SLC35F4: variants seen among roughly 807,000 people sequenced by gnomAD.
SLC35F4 encodes chromosome 14 open reading frame 36.
A neutral mutation model predicts 44.2 loss-of-function variants in SLC35F4; 24 were observed. The observed-to-expected ratio is 0.54, with a 90% CI of 0.39 to 0.76. SLC35F4 has a LOEUF of 0.76. Among genes scored for constraint, SLC35F4 ranks in the 30% least tolerant of loss-of-function variants. The pLI is 0.00. For synonymous variants in SLC35F4, 238 were observed against 223.6 expected, an observed-to-expected ratio of 1.06 and a Z score of -0.57; for missense variants, 562 against 586.1, an observed-to-expected ratio of 0.96 and a Z score of 0.42.
intron 1 of SLC35F4, among the ~76,000 whole-genome samples, chr14:57,606,782 T>G (rs1276520181): frequency 6.6e-6 from 1 of 152,212 alleles, no homozygotes; most frequent in Non-Finnish European, 1.5e-5. Flanking sequence ...CAAATGGCCC[T>G]GGTGAGTTTC....
At chr14:57,698,407 C>T (rs1199174664) in intron 1 of SLC35F4, among the ~76,000 whole-genome samples, 1 of 152,034 alleles carries the variant, frequency 6.6e-6, no homozygotes, top group Non-Finnish European at 1.5e-5. Context: ...ATGCTTTTGC[C>T]CAAGTCCCCA....
intron 1 of SLC35F4, among the ~76,000 whole-genome samples, chr14:57,855,469 C>T (rs1453464040): frequency 6.6e-5 from 10 of 152,146 alleles, no homozygotes; most frequent in Non-Finnish European, 4.4e-5. Context: ...TAGAGAAATG[C>T]AAATCAAAAC....
intron 1 of SLC35F4, among the ~76,000 whole-genome samples, chr14:57,695,058 A>T (rs1442979830): frequency 6.6e-6 from 1 of 152,200 alleles, no homozygotes; most frequent in Admixed American, 6.5e-5. Context: ...ACCTAAAACC[A>T]TAAAAACCCT....
intron 1 of SLC35F4, among the ~76,000 whole-genome samples, chr14:57,823,399 A>G (rs1883388695): frequency 2.0e-5 from 3 of 152,114 alleles, no homozygotes; most frequent in Non-Finnish European, 4.4e-5. Flanking sequence ...TTTACTTGTC[A>G]TTGTCTGTAC....
chr14:57,868,691 T>G (rs947342131), upstream of SLC35F4, among the ~76,000 whole-genome samples: 2 of 152,154 alleles, frequency 1.3e-5, no homozygotes, highest in African/African-American at 4.8e-5. Context: ...TTGGCCAGAC[T>G]GGTCTCGAAC....
chr14:57,899,831 C>T (rs556302280), intron 1 of SLC35F4, among the ~76,000 whole-genome samples: 6 of 152,082 alleles, frequency 3.9e-5, no homozygotes, highest in Admixed American at 1.3e-4. Flanking sequence ...TGGACCTTTG[C>T]GGTGAGTGTT....
At chr14:57,797,313 T>C (rs957203504) in intron 1 of SLC35F4, among the ~76,000 whole-genome samples, 1 of 152,200 alleles carries the variant, frequency 6.6e-6, no homozygotes, top group Non-Finnish European at 1.5e-5. Context: ...ATTCTGTTTT[T>C]AGCATTTCCA....
chr14:57,718,749 A>G (rs2076006888), intron 1 of SLC35F4, among the ~76,000 whole-genome samples: 1 of 152,032 alleles, frequency 6.6e-6, no homozygotes, highest in Admixed American at 6.6e-5. Context: ...GTTAATCCCT[A>G]GTCATGAGTC....
chr14:57,797,054 T>C (rs1282339884), intron 1 of SLC35F4, among the ~76,000 whole-genome samples: 1 of 152,186 alleles, frequency 6.6e-6, no homozygotes, highest in Non-Finnish European at 1.5e-5. Flanking sequence ...CAGAACAGCT[T>C]TCAGAAGCAT....
Position 57,930,549 on chromosome 14 carries a change from G to T in SLC35F4, n.282+51364C>A, listed in dbSNP as rs375483227. On this transcript the variant is annotated intron_variant and non_coding_transcript_variant, in intron 1 of 1. Transcript: ENST00000556568. Reference sequence around the variant, plus strand: ...TGTCTCTCTCCCGCTCTAAGGTGCCGTAAGAGGGTAGCCAGCTTATTGGGA... The same window carrying T: ...TGTCTCTCTCCCGCTCTAAGGTGCCTTAAGAGGGTAGCCAGCTTATTGGGA... Among the ~76,000 whole-genome samples, 4 of 152,246 alleles carry T rather than the reference G, an allele frequency of 2.6e-5. No individual in the cohort carries two copies. In the East Asian group the frequency reaches 7.7e-4, roughly 29 times the overall value.
rs528327097 is a variant in SLC35F4, at chr14:57,581,268, G to A, written c.753C>T (p.Ala251=). The change falls in exon 4 of 8, where the codon GCC becomes GCT. Residue 251 remains alanine, a synonymous_variant. Coordinates refer to ENST00000556826, the MANE Select transcript of SLC35F4 (RefSeq NM_001306087.2). The part of the protein sequence containing the change: ...DVSALFCCNK[A]FVFLLSWIVL... ...CAATCCATGACAGCAAGAAGACAAA[G>A]GCTTTGTTACAACAGAACAGAGCGG... 1.2e-6 allele frequency: 2 copies of A among 1,609,770 alleles called. No homozygotes were observed. The highest frequency in any genetic ancestry group is 1.7e-5 in the Admixed American group (1 of 59,192).
At chr14:57,619,558 A>G (rs2072058259) in intron 1 of SLC35F4, among the ~76,000 whole-genome samples, 1 of 152,168 alleles carries the variant, frequency 6.6e-6, no homozygotes. Context: ...TCAGAGACCA[A>G]AGGTAGATAA....
At chr14:57,627,838 C>T (rs1193389485) in intron 1 of SLC35F4, among the ~76,000 whole-genome samples, 1 of 151,772 alleles carries the variant, frequency 6.6e-6, no homozygotes, top group Non-Finnish European at 1.5e-5. Context: ...ATGTTTTAGT[C>T]TTTAAGATTG....
chr14:57,744,237 A>G (rs183560351), intron 1 of SLC35F4, among the ~76,000 whole-genome samples: 105 of 152,342 alleles, frequency 6.9e-4, no homozygotes, highest in African/African-American at 2.5e-3. Flanking sequence ...GTAATCAGGC[A>G]GGAGAAAGAA....
intron 1 of SLC35F4, among the ~76,000 whole-genome samples, chr14:57,697,166 T>G (rs768048474): frequency 1.6e-4 from 25 of 152,170 alleles, no homozygotes; most frequent in Non-Finnish European, 2.8e-4. Context: ...TATGTTGTAT[T>G]TTTATTTTCA....
intron 1 of SLC35F4, among the ~76,000 whole-genome samples, chr14:57,836,681 C>T (rs1335948053): frequency 6.6e-6 from 1 of 152,152 alleles, no homozygotes; most frequent in East Asian, 1.9e-4. Flanking sequence ...ATGTACTCAG[C>T]ACAGCAAATA....
chr14:57,680,623 C>T (rs369828877), intron 1 of SLC35F4, among the ~76,000 whole-genome samples: 7 of 152,070 alleles, frequency 4.6e-5, no homozygotes, highest in Admixed American at 6.5e-5. Context: ...GAAAACCCCA[C>T]GGCCTCAGCC....
intron 1 of SLC35F4, among the ~76,000 whole-genome samples, chr14:57,858,859 T>C (rs12436272): frequency 0.46 from 69,036 of 150,148 alleles, 18,815 homozygotes; most frequent in African/African-American, 0.75. Flanking sequence ...TTTAGGAGGC[T>C]GAGGTGGGAG....
At chr14:57,706,204 G>A (rs964873182) in intron 1 of SLC35F4, among the ~76,000 whole-genome samples, 2 of 152,174 alleles carry the variant, frequency 1.3e-5, no homozygotes, top group Admixed American at 6.5e-5. Flanking sequence ...TTATGTCTGT[G>A]TCCATCTATG....
Sources: allele counts gnomAD v4.1 joint callset (sites outside exome capture counted in the v4.1 genomes callset), GRCh38; gene constraint gnomAD v4.1.1; transcripts MANE v1.5; gene names NCBI Gene and HGNC (gene_info 2026-07-23, HGNC 2026-07-21).